BRIP1: variants seen among roughly 807,000 people sequenced by gnomAD.
BRIP1 encodes the protein BRCA1 interacting DNA helicase 1, also known as Fanconi anemia group J protein.
A neutral mutation model predicts 119.7 loss-of-function variants in BRIP1; 88 were observed. The observed-to-expected ratio is 0.74, with a 90% CI of 0.62 to 0.88. BRIP1 has a LOEUF of 0.88. Ranked by LOEUF, BRIP1 falls within the 40% of genes least tolerant of loss-of-function variation. The pLI is 0.00. For missense variants in BRIP1, 1,259 were observed against 1,455.4 expected, an observed-to-expected ratio of 0.87 and a Z score of 2.20; for synonymous variants, 443 against 496.5, an observed-to-expected ratio of 0.89 and a Z score of 1.43.
rs901786926 is a variant in BRIP1 at position 61,845,675 on chromosome 17, T to C, written c.627+1426A>G. ...ACTCTTTTTCAAGCAAAAATGATGTTCCATGACAAAAAGTGGCTAGTCAGC... is the reference window on the plus strand; with the variant it reads ...ACTCTTTTTCAAGCAAAAATGATGTCCCATGACAAAAAGTGGCTAGTCAGC... On this transcript the variant is annotated intron_variant, in intron 6 of 19. Transcript: ENST00000259008. This position sits in a 1 kb window ranked among gnomAD's most constrained non-coding sequence, Gnocchi z 4.2. Among the ~76,000 whole-genome samples, 1 of 152,172 alleles carries C rather than the reference T, an allele frequency of 6.6e-6. No homozygotes were observed. The highest frequency in any genetic ancestry group is 1.5e-5 in the Non-Finnish European group (1 of 68,030).
At chr17:61,765,489 T>C (rs907587906) in intron 14 of BRIP1, among the ~76,000 whole-genome samples, 11 of 124,162 alleles carry the variant, frequency 8.9e-5, no homozygotes, top group African/African-American at 3.4e-4. Flanking sequence ...CAGGCTGGAG[T>C]GCATGGCGTG....
chr17:61,787,435 A>ATG (rs1259078731), intron 10 of BRIP1, among the ~76,000 whole-genome samples: 6 of 131,696 alleles, frequency 4.6e-5, no homozygotes, highest in African/African-American at 1.7e-4. Context: ...TATAATATAT[A>ATG]TACTATATAT....
rs1202941770 is a variant in BRIP1 at position 61,746,896 on chromosome 17, T to A, written c.2098-2305A>T. ...CAGCAAAATACATATTCTTCACAAC[T>A]GTACATGGAACATTCTCTAGGACAG... On this transcript the variant is annotated intron_variant, in intron 14 of 19. Transcript: ENST00000259008. This position sits in a 1 kb window ranked among gnomAD's most constrained non-coding sequence, Gnocchi z 4.9. Among the ~76,000 whole-genome samples the A allele has an allele frequency of 6.6e-6, 1 of 152,160 alleles. No individual in the cohort carries two copies. Among genetic ancestry groups the A allele is most frequent in the Non-Finnish European group, 1.5e-5 (1 of 68,006 alleles).
intron 6 of BRIP1, among the ~76,000 whole-genome samples, chr17:61,838,530 C>T (rs1211018691): frequency 6.7e-6 from 1 of 148,346 alleles, no homozygotes; most frequent in Non-Finnish European, 1.5e-5. Flanking sequence ...GGCGACAGAG[C>T]GAGACTCCCT....
At position 61,717,176 on chromosome 17, in the gene BRIP1, C is replaced by T. The variant is rs1479916401; in HGVS notation, c.2380-1113G>A. Among the ~76,000 whole-genome samples, 1 of 152,018 alleles carries T rather than the reference C, an allele frequency of 6.6e-6. No homozygotes were observed. The highest frequency in any genetic ancestry group is 1.5e-5 in the Non-Finnish European group (1 of 67,936). On this transcript the variant is annotated intron_variant, in intron 16 of 19. Transcript: ENST00000259008. The surrounding 1 kb of genome is among the most constrained non-coding windows in gnomAD (Gnocchi z 4.1). Reference sequence around the variant, plus strand: ...TTTACCCAATTTCCCCTAATGTTAACATCTTATATTACTATAGCTCATGTC... The same window carrying T: ...TTTACCCAATTTCCCCTAATGTTAATATCTTATATTACTATAGCTCATGTC...
intron 17 of BRIP1, among the ~76,000 whole-genome samples, chr17:61,697,538 G>A (rs2061548346): frequency 6.6e-6 from 1 of 151,622 alleles, no homozygotes; most frequent in Non-Finnish European, 1.5e-5. Flanking sequence ...TAATTTTAGT[G>A]AATTAGAACT....
chr17:61,719,791 A>C (rs1320328697), intron 16 of BRIP1, among the ~76,000 whole-genome samples: 1 of 151,686 alleles, frequency 6.6e-6, no homozygotes, highest in African/African-American at 2.4e-5. Context: ...GCAGATGGGA[A>C]GGGGAGAAGG....
At chr17:61,821,328 C>A (rs2078320833) in intron 6 of BRIP1, among the ~76,000 whole-genome samples, 1 of 150,554 alleles carries the variant, frequency 6.6e-6, no homozygotes, top group South Asian at 2.1e-4. Flanking sequence ...TTTAACCTGC[C>A]ATTCAGTAGA....
At chr17:61,819,298 A>G (rs1005177079) in intron 6 of BRIP1, among the ~76,000 whole-genome samples, 6 of 152,184 alleles carry the variant, frequency 3.9e-5, no homozygotes, top group Non-Finnish European at 7.4e-5. Context: ...GATTAGTACA[A>G]CCACTATCGA....
rs1314540010 is a variant in BRIP1, at chr17:61,793,065, G to T, written c.1473+532C>A. Reference sequence around the variant, plus strand: ...AAATAAGTAAATAGCAACAAAAAAAGAAAATATATTCTTATCGGCAAAAAA... The same window carrying T: ...AAATAAGTAAATAGCAACAAAAAAATAAAATATATTCTTATCGGCAAAAAA... On this transcript the variant is annotated intron_variant, in intron 10 of 19. Transcript: ENST00000259008. This position sits in a 1 kb window ranked among gnomAD's most constrained non-coding sequence, Gnocchi z 5.2. 6.6e-6 allele frequency among the ~76,000 whole-genome samples: 1 copy of T among 151,964 alleles called. No individual in the cohort carries two copies. Among genetic ancestry groups the T allele is most frequent in the Non-Finnish European group, 1.5e-5 (1 of 67,956 alleles).
At chr17:61,688,413 C>T (rs897876683) in intron 18 of BRIP1, among the ~76,000 whole-genome samples, 2 of 151,918 alleles carry the variant, frequency 1.3e-5, no homozygotes, top group African/African-American at 2.4e-5. Context: ...CCCAGGAAGC[C>T]GAGGCTGCAA....
At position 61,853,495 on chromosome 17, in the gene BRIP1, C is replaced by T. The variant is rs1160482694; in HGVS notation, c.379+3563G>A. On this transcript the variant is annotated intron_variant, in intron 4 of 19. Coordinates refer to ENST00000259008, the MANE Select transcript of BRIP1 (RefSeq NM_032043.3). The surrounding 1 kb of genome is among the most constrained non-coding windows in gnomAD (Gnocchi z 4.3). ...GGTTACAGATTAAAGGATTTACTTA[C>T]AAATATAAAGAGCGTATCAGAATAC... Among the ~76,000 whole-genome samples the T allele has an allele frequency of 5.9e-5, 9 of 151,932 alleles. No homozygotes were observed. The highest frequency in any genetic ancestry group is 2.2e-4 in the African/African-American group (9 of 41,364).
At chr17:61,837,833 C>A (rs748727224) in intron 6 of BRIP1, among the ~76,000 whole-genome samples, 7 of 151,748 alleles carry the variant, frequency 4.6e-5, no homozygotes, top group Non-Finnish European at 8.8e-5. Context: ...CAGGGGACAC[C>A]AGAAAGTTAA....
In BRIP1 at chr17:61,860,949, A is replaced by T. The variant is rs996102970; in HGVS notation, c.93+498T>A. Among the ~76,000 whole-genome samples the T allele has an allele frequency of 7.2e-5, 11 of 152,220 alleles. No homozygotes were observed. Among genetic ancestry groups the T allele is most frequent in the Non-Finnish European group, 1.3e-4 (9 of 68,036 alleles). ...TTCTATATTGTTTATGGATACATAT[A>T]TATGTAATAAAAGTATAAAAACATG... On this transcript the variant is annotated intron_variant, in intron 2 of 19. Coordinates refer to ENST00000259008, the MANE Select transcript of BRIP1 (RefSeq NM_032043.3). This position sits in a 1 kb window ranked among gnomAD's most constrained non-coding sequence, Gnocchi z 4.1.
rs760438320 is a variant in BRIP1, at chr17:61,744,438, C to G, written c.2251G>C (p.Glu751Gln). The G allele has an allele frequency of 6.2e-7, 1 of 1,613,672 alleles. No homozygotes were observed. Among genetic ancestry groups the G allele is most frequent in the Non-Finnish European group, 8.5e-7 (1 of 1,179,828 alleles). The change falls in exon 15 of 20, where the codon GAG becomes CAG. Residue 751 changes from glutamate (E) to glutamine (Q), a missense_variant. Physicochemically the swap from Glu to Gln is conservative, Grantham distance 29. Coordinates refer to ENST00000259008, the MANE Select transcript of BRIP1 (RefSeq NM_032043.3). The surrounding 1 kb of genome is among the most constrained non-coding windows in gnomAD (Gnocchi z 5.0). ...TGAAATAATTTCCAGTTACCTTTCT[C>G]TCCTTTGTATTTGATTGCGTCATAG... Reference protein sequence around the residue: ...VYYDAIKYKGEKDGALLVAVC... With the variant: ...VYYDAIKYKGQKDGALLVAVC...
At position 61,815,849 on chromosome 17, in the gene BRIP1, T is replaced by C. The variant is rs924902732; in HGVS notation, c.628-7092A>G. Among the ~76,000 whole-genome samples the C allele has an allele frequency of 1.3e-5, 2 of 152,140 alleles. No individual in the cohort carries two copies. The highest frequency in any genetic ancestry group is 4.8e-5 in the African/African-American group (2 of 41,426). Reference sequence around the variant, plus strand: ...TGAACATAGAATTATACTACAAACTTTGAGACATAAAAAAGGGTTTTTTAA... The same window carrying C: ...TGAACATAGAATTATACTACAAACTCTGAGACATAAAAAAGGGTTTTTTAA... On this transcript the variant is annotated intron_variant, in intron 6 of 19. Coordinates refer to ENST00000259008, the MANE Select transcript of BRIP1 (RefSeq NM_032043.3). This position sits in a 1 kb window ranked among gnomAD's most constrained non-coding sequence, Gnocchi z 4.1.
rs1555612025 is a variant in BRIP1 at position 61,825,662 on chromosome 17, T to TA, written c.628-16906dup. On this transcript the variant is annotated intron_variant, in intron 6 of 19. Coordinates refer to ENST00000259008, the MANE Select transcript of BRIP1 (RefSeq NM_032043.3). The surrounding 1 kb of genome is among the most constrained non-coding windows in gnomAD (Gnocchi z 4.1). The stretch of plus-strand genomic sequence containing the variant: ...ATAAATAAATAAATAAATAAATAAA[T>TA]AAATAAAATAACTGGGAATACAACT... Among the ~76,000 whole-genome samples, 5 of 137,956 alleles carry TA rather than the reference T, an allele frequency of 3.6e-5. No homozygotes were observed. Among genetic ancestry groups the TA allele is most frequent in the African/African-American group, 5.2e-5 (2 of 38,678 alleles). 90.5% of individuals were successfully genotyped at this position (137,956 alleles called of 152,430 possible).
intron 8 of BRIP1, 30 bp downstream of exon 8, chr17:61,801,223 G>A (rs2145330279): frequency 6.4e-7 from 1 of 1,570,648 alleles, no homozygotes; most frequent in Non-Finnish European, 8.8e-7. Flanking sequence ...TGAGTAGGAA[G>A]AAGGTTCTCA....
At chr17:61,855,175 A>G (rs1405186147) in intron 4 of BRIP1, among the ~76,000 whole-genome samples, 2 of 152,098 alleles carry the variant, frequency 1.3e-5, no homozygotes, top group Non-Finnish European at 2.9e-5. Flanking sequence ...TGGGAAAGTG[A>G]GCATGTTTAA....
Sources: gnomAD v4.1 joint callset for allele counts (sites outside exome capture counted in the v4.1 genomes callset) on GRCh38, gnomAD v4.1.1 for gene constraint, Gnocchi (gnomAD v3.1) non-coding constraint, MANE v1.5 for transcripts, NCBI Gene and HGNC (gene_info 2026-07-23, HGNC 2026-07-21) for gene names.